The following LNPEP variants were observed in gnomAD, a reference collection of about 807,000 sequenced individuals.
LNPEP encodes the protein leucyl-cystinyl aminopeptidase.
A neutral mutation model predicts 120.6 loss-of-function variants in LNPEP; 64 were observed. The observed-to-expected ratio is 0.53, with a 90% CI of 0.43 to 0.65. LNPEP has a LOEUF of 0.65. Among genes scored for constraint, LNPEP ranks in the 30% least tolerant of loss-of-function variants. The probability of loss-of-function intolerance (pLI) is 0.00; values close to 1 mark genes in which losing one functional copy is unlikely to be tolerated. For missense variants in LNPEP, 1,057 were observed against 1,200.0 expected (o/e 0.88, Z 1.76); for synonymous variants, 435 against 425.4 (o/e 1.02, Z -0.28).
At position 97,036,630 on chromosome 5, in the gene LNPEP, A is replaced by G. The variant is rs1294884240; in HGVS notation, c.*8097A>G. On this transcript the variant is annotated 3_prime_UTR_variant, in exon 18 of 18. Transcript: ENST00000231368. ...CCTCCCTTCCTTCAGGCCTCTTAGC[A>G]TTGTTTGTTTTCCCATTTCTGATAC... 3 of 151,920 alleles carry G rather than the reference A, an allele frequency of 2.0e-5. No homozygotes were observed. The highest frequency in any genetic ancestry group is 4.8e-5 in the African/African-American group (2 of 41,352). 9.4% of individuals were successfully genotyped at this position (151,920 alleles called of 1,614,324 possible).
intron 1 of LNPEP, among the ~76,000 whole-genome samples, chr5:96,969,542 T>C (rs1236983642): frequency 6.6e-6 from 1 of 152,052 alleles, no homozygotes. Context: ...TTTGTCCCTT[T>C]AAATTACCTA....
intron 13 of LNPEP, among the ~76,000 whole-genome samples, chr5:97,018,251 C>T (rs997863508): frequency 7.9e-5 from 12 of 152,046 alleles, no homozygotes; most frequent in Admixed American, 2.0e-4. Flanking sequence ...GAATATCTCC[C>T]GACTCTGAAG....
At chr5:96,992,590 G>T (rs1367181007) in intron 4 of LNPEP, among the ~76,000 whole-genome samples, 1 of 152,154 alleles carries the variant, frequency 6.6e-6, no homozygotes, top group Non-Finnish European at 1.5e-5. Context: ...GTGAGGTCCT[G>T]AAAGGATGAA....
chr5:96,992,991 A>AT, intron 4 of LNPEP, 24 bp from the exon 5 acceptor site: 1 of 1,543,684 alleles, frequency 6.5e-7, no homozygotes, highest in Non-Finnish European at 8.8e-7. Context: ...CTGTCCTTGC[A>AT]TCATACATAA....
At chr5:96,950,954 G>A (rs529553981) in intron 1 of LNPEP, among the ~76,000 whole-genome samples, 2 of 152,100 alleles carry the variant, frequency 1.3e-5, no homozygotes, top group African/African-American at 4.8e-5. Context: ...GGGTGGCTTC[G>A]ACAACAGATA....
chr5:96,938,741 T>A (rs779339708), intron 1 of LNPEP, among the ~76,000 whole-genome samples: 3 of 152,212 alleles, frequency 2.0e-5, no homozygotes, highest in Non-Finnish European at 4.4e-5. Flanking sequence ...GGAAAGGGCT[T>A]ATAAGGATGG....
chr5:96,938,559 C>T (rs1355269651), intron 1 of LNPEP, among the ~76,000 whole-genome samples: 2 of 152,088 alleles, frequency 1.3e-5, no homozygotes, highest in Non-Finnish European at 2.9e-5. Context: ...TCATCTATTC[C>T]AGTACGTTTT....
rs1791423348 is a variant in LNPEP at position 97,029,216 on chromosome 5, T to C, written c.*683T>C. On this transcript the variant is annotated 3_prime_UTR_variant, in exon 18 of 18. Coordinates refer to ENST00000231368, the MANE Select transcript of LNPEP (RefSeq NM_005575.3). ...AAACAAGGCCAAAAGGTTAAATTTT[T>C]TGAATATTTAAGACTTTCTTTTTCA... 1 of 152,400 alleles carries C rather than the reference T, an allele frequency of 6.6e-6. No individual in the cohort carries two copies. Among genetic ancestry groups the C allele is most frequent in the Admixed American group, 6.5e-5 (1 of 15,294 alleles). 9.4% of individuals were successfully genotyped at this position (152,400 alleles called of 1,614,324 possible). A position where few individuals can be genotyped will look rare whatever the true frequency, so the allele number is the denominator to read the frequency against.
At chr5:97,013,350 T>C (rs1333586734) in intron 11 of LNPEP, among the ~76,000 whole-genome samples, 5 of 152,190 alleles carry the variant, frequency 3.3e-5, no homozygotes, top group Non-Finnish European at 5.9e-5. Flanking sequence ...TTGTATGATA[T>C]TGTACTTGCC....
intron 1 of LNPEP, among the ~76,000 whole-genome samples, chr5:96,965,628 A>G (rs955445834): frequency 8.5e-5 from 13 of 152,164 alleles, no homozygotes; most frequent in African/African-American, 2.9e-4. Flanking sequence ...TAATTCTTAG[A>G]GTAGAGTGCC....
intron 1 of LNPEP, among the ~76,000 whole-genome samples, chr5:96,948,999 A>C (rs532346104): frequency 1.3e-5 from 2 of 152,358 alleles, no homozygotes; most frequent in East Asian, 3.9e-4. Flanking sequence ...TGTACATTCA[A>C]AACTTAAAAC....
In LNPEP at chr5:96,976,830, T is replaced by C. The variant is rs543457627; in HGVS notation, c.20-2308T>C. Among the ~76,000 whole-genome samples, 8 of 151,292 alleles carry C rather than the reference T, an allele frequency of 5.3e-5. No homozygotes were observed. In the South Asian group the frequency reaches 1.7e-3, roughly 32 times the overall value. On this transcript the variant is annotated intron_variant, in intron 1 of 17. Transcript: ENST00000231368. ...ACAGAAACTTTCTAATCATTAAGAG[T>C]TTTAAAAGCAATTTTAAAAAATTGA...
chr5:96,985,835 G>C (rs1389180225), intron 3 of LNPEP, among the ~76,000 whole-genome samples: 2 of 151,892 alleles, frequency 1.3e-5, no homozygotes. Context: ...GTGGCTAAGG[G>C]AGAGGAGCAG....
At chr5:96,975,451 A>G (rs1432826664) in intron 1 of LNPEP, among the ~76,000 whole-genome samples, 2 of 152,102 alleles carry the variant, frequency 1.3e-5, no homozygotes, top group South Asian at 2.1e-4. Flanking sequence ...GTTCTTGTGC[A>G]TCTACCTTTT....
intron 13 of LNPEP, among the ~76,000 whole-genome samples, chr5:97,019,027 A>C (rs1791127103): frequency 6.6e-6 from 1 of 152,220 alleles, no homozygotes; most frequent in Non-Finnish European, 1.5e-5. Flanking sequence ...TTTCACTTTT[A>C]AGAAACTCAG....
rs1358817096 is a variant in LNPEP, at chr5:97,030,618, C to CTGTGTGTGTG, written c.*2086_*2087insGTGTGTGTGT. On this transcript the variant is annotated 3_prime_UTR_variant, in exon 18 of 18. Coordinates refer to ENST00000231368, the MANE Select transcript of LNPEP (RefSeq NM_005575.3). The stretch of plus-strand genomic sequence containing the variant: ...ATCATTTCTCTCCCTCTCTCTCTCT[C>CTGTGTGTGTG]TCTGTGTGTGTGTGTGTGTGTGTGT... 1.5e-4 allele frequency: 10 copies of CTGTGTGTGTG among 68,562 alleles called. No homozygotes were observed. Among genetic ancestry groups the CTGTGTGTGTG allele is most frequent in the Non-Finnish European group, 2.7e-4 (8 of 29,886 alleles). 4.2% of individuals were successfully genotyped at this position (68,562 alleles called of 1,614,324 possible).
In LNPEP at chr5:97,015,077, T is replaced by A; in HGVS notation, c.2358T>A (p.Asp786Glu). Residue 786 changes from aspartate (D) to glutamate (E), a missense_variant, in exon 13 of 18, where the codon GAT becomes GAA. By Grantham distance (45) the Asp-to-Glu change is conservative. Transcript: ENST00000231368. ...YNLLEKLGYM[D>E]LASRLVTRVF... ...TCCTTGAAAAACTGGGATACATGGATCTGGCCTCAAGACTGGTGGTAAGTC... is the reference window on the plus strand; with the variant it reads ...TCCTTGAAAAACTGGGATACATGGAACTGGCCTCAAGACTGGTGGTAAGTC... The A allele has an allele frequency of 6.3e-7, 1 of 1,583,136 alleles. No individual in the cohort carries two copies. The highest frequency in any genetic ancestry group is 8.6e-7 in the Non-Finnish European group (1 of 1,166,486).
intron 1 of LNPEP, among the ~76,000 whole-genome samples, chr5:96,975,041 GA>G (rs1323119401): frequency 2.0e-5 from 3 of 152,040 alleles, no homozygotes; most frequent in Non-Finnish European, 4.4e-5. Context: ...TCACTCTCTT[GA>G]GCTCTAAACC....
At chr5:96,962,441 CTG>C (rs1561433040) in intron 1 of LNPEP, among the ~76,000 whole-genome samples, 1 of 152,170 alleles carries the variant, frequency 6.6e-6, no homozygotes, top group African/African-American at 2.4e-5. Context: ...TGAGTACACA[CTG>C]TGTGCTAGAC....
Sources: allele counts gnomAD v4.1 joint callset (sites outside exome capture counted in the v4.1 genomes callset), GRCh38; gene constraint gnomAD v4.1.1; transcripts MANE v1.5; gene names NCBI Gene and HGNC (gene_info 2026-07-23, HGNC 2026-07-21).